CSMD1: variants seen among roughly 807,000 people sequenced by gnomAD.
CSMD1 encodes the protein CUB and Sushi multiple domains 1, also known as CUB and sushi domain-containing protein 1.
Under a neutral mutation model 417.5 loss-of-function variants are expected in CSMD1, and 213 were observed. The observed-to-expected ratio is 0.51, with a 90% CI of 0.46 to 0.57. The LOEUF (loss-of-function observed/expected upper bound fraction) is 0.57, where lower values mean the gene tolerates loss of function less well. CSMD1 is among the 20% of genes least tolerant of loss of function. The pLI, the probability that CSMD1 is intolerant of heterozygous loss-of-function variation, is 0.00. For synonymous variants in CSMD1, 2,862 were observed against 1,736.8 expected (o/e 1.65, Z -16.11); for missense variants, 6,923 against 4,529.7 (o/e 1.53, Z -15.17).
intron 5 of CSMD1, among the ~76,000 whole-genome samples, chr8:3,887,587 A>G (rs927272161): frequency 1.3e-5 from 2 of 152,220 alleles, no homozygotes; most frequent in East Asian, 1.9e-4. Context: ...GGCCAAGGAA[A>G]TTATGTTTTA....
chr8:3,285,089 A>T (rs1803046277), intron 25 of CSMD1, among the ~76,000 whole-genome samples: 1 of 152,162 alleles, frequency 6.6e-6, no homozygotes, highest in East Asian at 1.9e-4. Flanking sequence ...TGAAACACCA[A>T]CAAAAATTAG....
intron 42 of CSMD1, among the ~76,000 whole-genome samples, chr8:3,113,894 T>C (rs148508026): frequency 3.9e-4 from 59 of 152,228 alleles, no homozygotes; most frequent in African/African-American, 1.3e-3. Flanking sequence ...GAGAGATGGA[T>C]AGGCATATTA....
At chr8:3,651,209 A>G (rs1229992273) in intron 7 of CSMD1, among the ~76,000 whole-genome samples, 2 of 152,148 alleles carry the variant, frequency 1.3e-5, no homozygotes, top group Non-Finnish European at 2.9e-5. Flanking sequence ...CACAGCTCAC[A>G]TGATCCTTTA....
intron 5 of CSMD1, among the ~76,000 whole-genome samples, chr8:3,925,620 T>A (rs1809599440): frequency 6.6e-6 from 1 of 152,046 alleles, no homozygotes; most frequent in African/African-American, 2.4e-5. Context: ...CAACAGTGAA[T>A]AAGTCTCATG....
intron 57 of CSMD1, among the ~76,000 whole-genome samples, chr8:2,968,852 T>C (rs1372911341): frequency 6.6e-6 from 1 of 152,210 alleles, no homozygotes; most frequent in African/African-American, 2.4e-5. Flanking sequence ...GTTTATTTTC[T>C]TTTGAAATAT....
At chr8:3,492,816 G>C (rs1371724245) in intron 11 of CSMD1, among the ~76,000 whole-genome samples, 1 of 152,056 alleles carries the variant, frequency 6.6e-6, no homozygotes, top group Non-Finnish European at 1.5e-5. Context: ...AAGGTACACT[G>C]AGTCACCCCC....
intron 4 of CSMD1, among the ~76,000 whole-genome samples, chr8:4,010,316 G>A (rs192083012): frequency 1.3e-5 from 2 of 152,070 alleles, no homozygotes; most frequent in African/African-American, 4.8e-5. Flanking sequence ...CCTCTGCCTT[G>A]TAGTCATCTA....
intron 6 of CSMD1, among the ~76,000 whole-genome samples, chr8:3,723,609 A>C (rs1309193096): frequency 6.6e-6 from 1 of 152,190 alleles, no homozygotes; most frequent in African/African-American, 2.4e-5. Context: ...TCGGGTTTTC[A>C]AGAAAATATT....
chr8:3,778,880 T>G (rs777163663), intron 5 of CSMD1, among the ~76,000 whole-genome samples: 14 of 152,270 alleles, frequency 9.2e-5, no homozygotes, highest in Middle Eastern at 6.8e-3. Flanking sequence ...TTGCAGGCAT[T>G]TGGACAAAAA....
chr8:3,933,647 T>C (rs1349905856), intron 5 of CSMD1, among the ~76,000 whole-genome samples: 21 of 152,312 alleles, frequency 1.4e-4, no homozygotes, highest in Non-Finnish European at 1.5e-5. Context: ...ATTGAAGAGA[T>C]TTCAGAAAAA....
At chr8:4,864,975 T>C (rs1473068533) in intron 1 of CSMD1, among the ~76,000 whole-genome samples, 1 of 151,194 alleles carries the variant, frequency 6.6e-6, no homozygotes, top group African/African-American at 2.4e-5. Context: ...TATAATATTA[T>C]TATATAATTT....
chr8:3,477,565 A>G (rs1335680139), intron 11 of CSMD1, among the ~76,000 whole-genome samples: 1 of 152,216 alleles, frequency 6.6e-6, no homozygotes, highest in Non-Finnish European at 1.5e-5. Context: ...ATTCCTCTTG[A>G]GGATGGAGTA....
intron 3 of CSMD1, among the ~76,000 whole-genome samples, chr8:4,046,760 A>G (rs1798168175): frequency 3.9e-5 from 6 of 152,214 alleles, no homozygotes; most frequent in Admixed American, 3.9e-4. Context: ...CATAACACAC[A>G]CACATATTGT....
intron 8 of CSMD1, among the ~76,000 whole-genome samples, chr8:3,587,244 C>A (rs1800644252): frequency 1.3e-5 from 2 of 152,212 alleles, no homozygotes; most frequent in Non-Finnish European, 2.9e-5. Flanking sequence ...CAGCTGCATT[C>A]AAAAGTGTGA....
At chr8:4,261,080 CT>C (rs1239533893) in intron 3 of CSMD1, among the ~76,000 whole-genome samples, 1 of 152,070 alleles carries the variant, frequency 6.6e-6, no homozygotes, top group African/African-American at 2.4e-5. Context: ...TTGTTTTGTG[CT>C]ATATATAATT....
chr8:4,098,032 A>G (rs1165330582), intron 3 of CSMD1, among the ~76,000 whole-genome samples: 2 of 152,176 alleles, frequency 1.3e-5, no homozygotes, highest in Non-Finnish European at 2.9e-5. Flanking sequence ...AGTTCATATA[A>G]TTTTTGTTCA....
At chr8:4,110,335 C>G (rs1425335849) in intron 3 of CSMD1, among the ~76,000 whole-genome samples, 3 of 152,048 alleles carry the variant, frequency 2.0e-5, no homozygotes, top group African/African-American at 7.2e-5. Flanking sequence ...AATTTTTGGC[C>G]TCTAACTTCA....
At chr8:3,934,552 G>T (rs1261624694) in intron 5 of CSMD1, among the ~76,000 whole-genome samples, 1 of 152,052 alleles carries the variant, frequency 6.6e-6, no homozygotes, top group Non-Finnish European at 1.5e-5. Flanking sequence ...ACTAACTAAG[G>T]GTTAAACAAT....
chr8:4,784,089 C>A (rs1797286289), intron 1 of CSMD1, among the ~76,000 whole-genome samples: 1 of 152,156 alleles, frequency 6.6e-6, no homozygotes, highest in South Asian at 2.1e-4. Flanking sequence ...GGATTTGGTT[C>A]TCTATGTCTT....
Sources: gnomAD v4.1 joint callset for allele counts (sites outside exome capture counted in the v4.1 genomes callset) on GRCh38, gnomAD v4.1.1 for gene constraint, MANE v1.5 for transcripts, NCBI Gene and HGNC (gene_info 2026-07-23, HGNC 2026-07-21) for gene names.